FAM107B: variants seen among roughly 807,000 people sequenced by gnomAD.
FAM107B encodes protein FAM107B.
In FAM107B, 21 loss-of-function variants were observed where a neutral mutation model predicts 31.5. That is an observed-to-expected ratio of 0.67 (90% CI 0.47 to 0.96). FAM107B has a LOEUF of 0.96. FAM107B is among the 40% of genes least tolerant of loss of function. The probability of loss-of-function intolerance (pLI) is 0.00; values close to 1 mark genes in which losing one functional copy is unlikely to be tolerated. For missense variants in FAM107B, 452 were observed against 377.1 expected (o/e 1.20, Z -1.64); for synonymous variants, 157 against 141.5 (o/e 1.11, Z -0.78).
At chr10:14,631,931 C>G (rs1234439787) in intron 2 of FAM107B, among the ~76,000 whole-genome samples, 2 of 152,090 alleles carry the variant, frequency 1.3e-5, no homozygotes, top group South Asian at 4.1e-4. Context: ...GCCATACGAC[C>G]GCACAAGCTT....
At chr10:14,747,091 G>A (rs544834725) in intron 1 of FAM107B, among the ~76,000 whole-genome samples, 105 of 152,202 alleles carry the variant, frequency 6.9e-4, no homozygotes, top group African/African-American at 2.3e-3. Flanking sequence ...TTTGGCTATT[G>A]ATACTTGTGG....
intron 2 of FAM107B, among the ~76,000 whole-genome samples, chr10:14,610,122 T>A (rs943134994): frequency 2.0e-5 from 3 of 152,096 alleles, no homozygotes; most frequent in East Asian, 3.9e-4. Flanking sequence ...GGCGGGTGGA[T>A]CACGAGGTCA....
At chr10:14,611,165 A>G (rs1852714476) in intron 2 of FAM107B, among the ~76,000 whole-genome samples, 2 of 152,186 alleles carry the variant, frequency 1.3e-5, no homozygotes, top group Admixed American at 1.3e-4. Flanking sequence ...TATTAAAACT[A>G]AAATCTCTAA....
intron 2 of FAM107B, chr10:14,548,482 A>T (rs192278965): frequency 1.0e-6 from 1 of 985,546 alleles, no homozygotes; most frequent in Non-Finnish European, 1.2e-6. Context: ...TCTGCAGTTC[A>T]CACGAGAATG....
At chr10:14,763,073 G>C (rs369348021) in intron 1 of FAM107B, among the ~76,000 whole-genome samples, 1 of 152,098 alleles carries the variant, frequency 6.6e-6, no homozygotes, top group African/African-American at 2.4e-5. Flanking sequence ...GACCAGCCTG[G>C]CCAACATGGC....
intron 3 of FAM107B, among the ~76,000 whole-genome samples, chr10:14,522,604 T>C (rs962687028): frequency 6.6e-6 from 1 of 152,066 alleles, no homozygotes; most frequent in African/African-American, 2.4e-5. Flanking sequence ...TTAGTAGAGA[T>C]GGGGTTTCAC....
chr10:14,520,906 T>C lies in FAM107B; in HGVS notation c.*284A>G, dbSNP rs1845565080. The C allele has an allele frequency of 3.1e-6, 1 of 327,238 alleles. No homozygotes were observed. The highest frequency in any genetic ancestry group is 5.5e-6 in the Non-Finnish European group (1 of 182,178). The allele number at this position is 327,238 out of a possible 1,614,324, so 20.3% of individuals were successfully genotyped here. The stretch of plus-strand genomic sequence containing the variant: ...ATTGATTCCAGTGTCCTCTTCCTTT[T>C]TCCTGTTCTCACTTGTTTTGCTTGT... On this transcript the variant is annotated 3_prime_UTR_variant, in exon 5 of 5. Transcript: ENST00000181796.
intron 2 of FAM107B, among the ~76,000 whole-genome samples, chr10:14,600,723 T>G (rs929405484): frequency 6.6e-6 from 1 of 152,224 alleles, no homozygotes; most frequent in Non-Finnish European, 1.5e-5. Flanking sequence ...CACTGCAGCC[T>G]CGAACTCCTG....
chr10:14,732,710 CATA>C (rs1267090824), intron 1 of FAM107B, among the ~76,000 whole-genome samples: 1 of 150,508 alleles, frequency 6.6e-6, no homozygotes, highest in African/African-American at 2.4e-5. Flanking sequence ...AGAAGGCATA[CATA>C]ATAATAATAT....
chr10:14,614,485 C>G (rs1014905788), intron 2 of FAM107B, among the ~76,000 whole-genome samples: 2 of 151,812 alleles, frequency 1.3e-5, no homozygotes, highest in Non-Finnish European at 2.9e-5. Context: ...TCAGCCTGAC[C>G]AACATGGTGA....
At chr10:14,769,115 T>C (rs1313967555) in intron 1 of FAM107B, among the ~76,000 whole-genome samples, 2 of 152,172 alleles carry the variant, frequency 1.3e-5, no homozygotes, top group African/African-American at 4.8e-5. Context: ...TAAAATCAAA[T>C]TGACCCTGCT....
At chr10:14,698,955 G>C (rs1564629693) in intron 1 of FAM107B, among the ~76,000 whole-genome samples, 1 of 152,174 alleles carries the variant, frequency 6.6e-6, no homozygotes, top group Non-Finnish European at 1.5e-5. Flanking sequence ...CACGTGCTGT[G>C]GGGGTTCTCC....
chr10:14,594,722 A>G (rs1216003599), intron 2 of FAM107B, among the ~76,000 whole-genome samples: 2 of 152,142 alleles, frequency 1.3e-5, no homozygotes, highest in Non-Finnish European at 2.9e-5. Context: ...AAAAACACTG[A>G]TCATGGCACC....
intron 1 of FAM107B, among the ~76,000 whole-genome samples, chr10:14,710,470 ACACACAC>A (rs1855619816): frequency 7.9e-6 from 1 of 126,046 alleles, no homozygotes; most frequent in Non-Finnish European, 1.8e-5. Context: ...ACACACACAC[ACACACAC>A]AAAATGTTTA....
chr10:14,740,405 A>C (rs368792282), intron 1 of FAM107B, among the ~76,000 whole-genome samples: 30 of 152,236 alleles, frequency 2.0e-4, no homozygotes, highest in African/African-American at 7.2e-4. Flanking sequence ...TGGAAAACGC[A>C]AAACTATACA....
intron 2 of FAM107B, among the ~76,000 whole-genome samples, chr10:14,589,582 G>C (rs1229934887): frequency 1.3e-5 from 2 of 152,046 alleles, no homozygotes; most frequent in East Asian, 3.8e-4. Flanking sequence ...ATAATAACAA[G>C]GAAGAAATGA....
chr10:14,683,878 T>C (rs892719629), intron 1 of FAM107B, among the ~76,000 whole-genome samples: 11 of 152,238 alleles, frequency 7.2e-5, no homozygotes, highest in African/African-American at 2.7e-4. Context: ...TCCCCCGGCC[T>C]TAAGCTGTAC....
chr10:14,567,509 G>T (rs1323848318), intron 2 of FAM107B, among the ~76,000 whole-genome samples: 2 of 152,148 alleles, frequency 1.3e-5, no homozygotes, highest in Non-Finnish European at 2.9e-5. Flanking sequence ...GCAGTGTTGA[G>T]GCCCTGGTGA....
At chr10:14,564,805 A>G (rs1403683605) in intron 2 of FAM107B, among the ~76,000 whole-genome samples, 1 of 152,256 alleles carries the variant, frequency 6.6e-6, no homozygotes, top group African/African-American at 2.4e-5. Context: ...CAAACCTATT[A>G]TAACATTACA....
Sources: gnomAD v4.1 joint callset for allele counts (sites outside exome capture counted in the v4.1 genomes callset) on GRCh38, gnomAD v4.1.1 for gene constraint, MANE v1.5 for transcripts, NCBI Gene and HGNC (gene_info 2026-07-23, HGNC 2026-07-21) for gene names.